TP53BP1: variants seen among roughly 807,000 people sequenced by gnomAD.
TP53BP1 encodes TP53-binding protein 1.
A neutral mutation model predicts 200.8 loss-of-function variants in TP53BP1; 61 were observed. That is an observed-to-expected ratio of 0.30 (90% CI 0.25 to 0.38). The LOEUF is 0.38. Among genes scored for constraint, TP53BP1 ranks in the 10% least tolerant of loss-of-function variants. TP53BP1 has a pLI of 1.00. For missense variants in TP53BP1, 2,144 were observed against 2,371.9 expected, an observed-to-expected ratio of 0.90 and a Z score of 2.00; for synonymous variants, 822 against 844.3, an observed-to-expected ratio of 0.97 and a Z score of 0.46.
intron 12 of TP53BP1, among the ~76,000 whole-genome samples, chr15:43,452,917 G>A (rs904191922): frequency 2.0e-5 from 3 of 152,042 alleles, no homozygotes; most frequent in Non-Finnish European, 2.9e-5. Context: ...ACTCCAGGCC[G>A]GGCGCGGTGG....
intron 4 of TP53BP1, among the ~76,000 whole-genome samples, chr15:43,482,550 C>T (rs1331457539): frequency 6.6e-6 from 1 of 152,176 alleles, no homozygotes; most frequent in African/African-American, 2.4e-5. Context: ...AGGCGGATCA[C>T]AAGGTCAGGA....
intron 14 of TP53BP1, among the ~76,000 whole-genome samples, chr15:43,444,827 G>A (rs1361726977): frequency 6.6e-6 from 1 of 151,862 alleles, no homozygotes; most frequent in Non-Finnish European, 1.5e-5. Flanking sequence ...ACTTCTTCAG[G>A]GCCTTAATTC....
chr15:43,434,248 T>C (rs1222421340), intron 16 of TP53BP1, among the ~76,000 whole-genome samples: 1 of 152,182 alleles, frequency 6.6e-6, no homozygotes, highest in African/African-American at 2.4e-5. Context: ...TGTAAAATAT[T>C]GAGCATAGCA....
chr15:43,408,192 GC>G, intron 26 of TP53BP1, 104 bp from the exon 27 acceptor site: 2 of 1,179,804 alleles, frequency 1.7e-6, no homozygotes, highest in Non-Finnish European at 2.4e-6. Flanking sequence ...AAAAATAAAT[GC>G]CCCATCAGAC....
At chr15:43,457,671 CAAAAAAAAAAAAA>C (rs56866996) in intron 11 of TP53BP1, among the ~76,000 whole-genome samples, 8 of 19,108 alleles carry the variant, frequency 4.2e-4, no homozygotes, top group Admixed American at 2.1e-3. Flanking sequence ...GACTCCATCT[CAAAAAAAAAAAAA>C]AAAAAAAAAA....
intron 12 of TP53BP1, among the ~76,000 whole-genome samples, chr15:43,452,803 G>C (rs1353371200): frequency 6.6e-6 from 1 of 152,096 alleles, no homozygotes; most frequent in Admixed American, 6.5e-5. Context: ...AAAAAAAGCT[G>C]ACTCTGCCAA....
At chr15:43,495,495 T>TCTCA (rs1555410631), upstream of TP53BP1, among the ~76,000 whole-genome samples, 10 of 133,352 alleles carry the variant, frequency 7.5e-5, no homozygotes, top group African/African-American at 2.2e-4. Context: ...TGAGACTCCG[T>TCTCA]CACACACACA....
rs759636662 is a variant in TP53BP1 at position 43,492,383 on chromosome 15, C to T, written c.93G>A (p.Gln31=). The change falls in exon 2 of 28, where the codon CAG becomes CAA. Residue 31 remains glutamine (Q), a synonymous_variant. Coordinates refer to ENST00000382044, the MANE Select transcript of TP53BP1 (RefSeq NM_001141980.3). ...DTPCLIIEDS[Q]PESQVLEDDS... ...CATCCTCTAGAACCTGGCTTTCAGG[C>T]TGAGAATCTTCAATTATCAGGCAAG... 3.1e-6 allele frequency: 5 copies of T among 1,614,004 alleles called. No individual in the cohort carries two copies. The East Asian group carries it at 8.9e-5, about 29-fold the overall frequency.
chr15:43,475,526 AC>A, intron 9 of TP53BP1, 38 bp downstream of exon 9: 1 of 1,611,582 alleles, frequency 6.2e-7, no homozygotes, highest in South Asian at 1.1e-5. Context: ...ACTCTCAGGC[AC>A]ATACTGCCTT....
chr15:43,501,869 G>C (rs1214115796), intron 1 of TP53BP1, among the ~76,000 whole-genome samples: 4 of 152,172 alleles, frequency 2.6e-5, no homozygotes. Context: ...TTTGGGTTTA[G>C]ACTATTATAA....
intron 26 of TP53BP1, 76 bp downstream of exon 26, chr15:43,408,821 C>T (rs2045015418): frequency 4.1e-6 from 6 of 1,448,074 alleles, no homozygotes; most frequent in Non-Finnish European, 5.8e-6. Context: ...GCTTTACTCT[C>T]TCACCTAGAT....
At chr15:43,417,737 T>A (rs1454171864) in intron 21 of TP53BP1, among the ~76,000 whole-genome samples, 1 of 152,218 alleles carries the variant, frequency 6.6e-6, no homozygotes, top group Non-Finnish European at 1.5e-5. Flanking sequence ...CCCCAATCCA[T>A]GTGCTACTCC....
At chr15:43,447,514 A>C in intron 12 of TP53BP1, 29 bp from the exon 13 acceptor site, 2 of 1,459,858 alleles carry the variant, frequency 1.4e-6, no homozygotes, top group Non-Finnish European at 1.8e-6. Context: ...AGAAAAAAGA[A>C]AGAAAGAAAA....
chr15:43,408,052 T>C lies in TP53BP1; in HGVS notation c.5637A>G (p.Val1879=). The C allele has an allele frequency of 6.2e-7, 1 of 1,614,014 alleles. No homozygotes were observed. Among genetic ancestry groups the C allele is most frequent in the Non-Finnish European group, 8.5e-7 (1 of 1,179,962 alleles). ...PRENPFQNLK[V]LLVSDQQQNF... ...TCTGCTGTTGGTCTGATACCAAGAG[T>C]ACCTTCAGATTCTGGAAAGGATTTT... The change falls in exon 27 of 28, where the codon GTA becomes GTG. Residue 1879 remains valine (V), a synonymous_variant. Coordinates refer to ENST00000382044, the MANE Select transcript of TP53BP1 (RefSeq NM_001141980.3).
chr15:43,480,301 A>G (rs2078944944), intron 5 of TP53BP1, among the ~76,000 whole-genome samples: 1 of 152,132 alleles, frequency 6.6e-6, no homozygotes, highest in Admixed American at 6.6e-5. Flanking sequence ...TACAAAAATT[A>G]GCCAGGTGTG....
chr15:43,456,662 T>C lies in TP53BP1; in HGVS notation c.1946A>G (p.Gln649Arg). The change falls in exon 12 of 28, where the codon CAG becomes CGG. Residue 649 changes from glutamine to arginine, a missense_variant. This residue lies in a region of TP53BP1 where 1,700 missense variants were observed against 1,710.3 expected (regional missense o/e 0.99). Coordinates refer to ENST00000382044, the MANE Select transcript of TP53BP1 (RefSeq NM_001141980.3). ...TTCTTTAATTTCCATAGCTTCCTCC[T>C]GATCTAACACACTAGAAAGTGCCTC... Reference protein sequence around the residue: ...RSEALSSVLDQEEAMEIKEHH... With the variant: ...RSEALSSVLDREEAMEIKEHH... The C allele has an allele frequency of 6.2e-7, 1 of 1,614,184 alleles. No homozygotes were observed. The highest frequency in any genetic ancestry group is 8.5e-7 in the Non-Finnish European group (1 of 1,180,036).
At chr15:43,494,408 C>CT (rs532537703), upstream of TP53BP1, among the ~76,000 whole-genome samples, 175 of 152,286 alleles carry the variant, frequency 1.1e-3, 1 homozygote, top group Non-Finnish European at 2.0e-3. Flanking sequence ...AGCATGTTGT[C>CT]TGAATACACG....
At chr15:43,475,473 T>G in intron 9 of TP53BP1, 92 bp downstream of exon 9, 1 of 1,454,066 alleles carries the variant, frequency 6.9e-7, no homozygotes, top group Admixed American at 2.1e-5. Flanking sequence ...AAAAGAATTC[T>G]AGACTAGCAG....
intron 9 of TP53BP1, 96 bp from the exon 10 acceptor site, chr15:43,474,863 G>C (rs1203629827): frequency 1.2e-6 from 1 of 831,330 alleles, no homozygotes; most frequent in Non-Finnish European, 1.9e-6. Context: ...AAATATCTAA[G>C]GCATTCAGAT....
Sources: gnomAD v4.1 joint callset for allele counts (sites outside exome capture counted in the v4.1 genomes callset) on GRCh38, gnomAD v4.1.1 for gene constraint, gnomAD v4.1.1 regional missense constraint, MANE v1.5 for transcripts, NCBI Gene and HGNC (gene_info 2026-07-23, HGNC 2026-07-21) for gene names.